KAT14: variants seen among roughly 807,000 people sequenced by gnomAD.
KAT14 encodes lysine acetyltransferase 14.
A neutral mutation model predicts 78.4 loss-of-function variants in KAT14; 66 were observed. The observed-to-expected ratio is 0.84, with a 90% CI of 0.69 to 1.03. KAT14 has a LOEUF of 1.03. Ranked by LOEUF, KAT14 falls within the 50% of genes least tolerant of loss-of-function variation. The probability of loss-of-function intolerance (pLI) is 0.00; values close to 1 mark genes in which losing one functional copy is unlikely to be tolerated. For missense variants in KAT14, 870 were observed against 972.5 expected, an observed-to-expected ratio of 0.89 and a Z score of 1.40; for synonymous variants, 344 against 359.4, an observed-to-expected ratio of 0.96 and a Z score of 0.48.
Position 18,162,427 on chromosome 20 carries a change from G to C in KAT14, c.1150G>C (p.Val384Leu), listed in dbSNP as rs766608395. 27 of 1,613,982 alleles carry C rather than the reference G, an allele frequency of 1.7e-5. No homozygotes were observed. Among genetic ancestry groups the C allele is most frequent in the Non-Finnish European group, 2.3e-5 (27 of 1,180,030 alleles). ...DGVIDPGMEYVPPPAGSVASG... is the reference protein window; with the variant it reads ...DGVIDPGMEYLPPPAGSVASG... ...AGTCATAGACCCAGGGATGGAGTACGTCCCACCCCCTGCTGGGTCAGTAGC... is the reference window on the plus strand; with the variant it reads ...AGTCATAGACCCAGGGATGGAGTACCTCCCACCCCCTGCTGGGTCAGTAGC... Residue 384 changes from valine (V) to leucine (L), a missense_variant, in exon 7 of 11, where the codon GTC (valine) becomes CTC (leucine). Transcript: ENST00000688188.
At position 18,183,241 on chromosome 20, in the gene KAT14, G is replaced by A. The variant is rs1462782190; in HGVS notation, c.1924G>A (p.Val642Met). The A allele has an allele frequency of 6.2e-7, 1 of 1,614,006 alleles. No homozygotes were observed. Among genetic ancestry groups the A allele is most frequent in the Non-Finnish European group, 8.5e-7 (1 of 1,180,024 alleles). ...EPDAPLDYCY[V>M]RPNHIPTINS... ...CGACGCACCTCTCGATTACTGTTAT[G>A]TGCGGCCAAATCACATCCCAACGAT... is the stretch of plus-strand genomic sequence containing the variant. The change falls in exon 9 of 11, where the codon GTG becomes ATG. Residue 642 changes from valine (V) to methionine (M), a missense_variant. By Grantham distance (21) the Val-to-Met change is conservative. Transcript: ENST00000688188.
Position 18,162,558 on chromosome 20 carries a change from T to C in KAT14, c.1281T>C (p.Ser427=). The C allele has an allele frequency of 6.2e-7, 1 of 1,614,058 alleles. No homozygotes were observed. The highest frequency in any genetic ancestry group is 8.5e-7 in the Non-Finnish European group (1 of 1,180,020). Reference sequence around the variant, plus strand: ...AACCCGACAGGATGGATATTGACAGTGAAGACACAGATTCAAACACATCTT... The same window carrying C: ...AACCCGACAGGATGGATATTGACAGCGAAGACACAGATTCAAACACATCTT... ...EEKPDRMDID[S]EDTDSNTSLQ... is the part of the protein sequence containing the mutation. The change falls in exon 7 of 11, where the codon AGT becomes AGC. Residue 427 remains serine (S), a synonymous_variant. Coordinates refer to ENST00000688188, the MANE Select transcript of KAT14 (RefSeq NM_001392073.1).
intron 4 of KAT14, among the ~76,000 whole-genome samples, chr20:18,152,198 C>G (rs1236922315): frequency 6.6e-6 from 1 of 152,014 alleles, no homozygotes; most frequent in Non-Finnish European, 1.5e-5. Flanking sequence ...GTCCCAGCTA[C>G]TCAGGAGACC....
At chr20:18,138,575 C>T (rs2037393678) in intron 1 of KAT14, 1 of 488,314 alleles carries the variant, frequency 2.0e-6, no homozygotes. Context: ...CCCCCTTCCC[C>T]GTACTCACTC....
intron 2 of KAT14, 73 bp downstream of exon 2, chr20:18,142,992 A>C: frequency 6.4e-7 from 1 of 1,565,450 alleles, no homozygotes; most frequent in South Asian, 1.2e-5. Context: ...TGTGAAAGAA[A>C]CGTGAATGTA....
intron 7 of KAT14, 119 bp from the exon 8 acceptor site, chr20:18,181,591 G>A (rs530121729): frequency 1.2e-5 from 17 of 1,441,678 alleles, no homozygotes; most frequent in African/African-American, 7.1e-5. Flanking sequence ...GGATGATCTC[G>A]ATCTTGTGAC....
chr20:18,147,043 C>T (rs1350360658), intron 3 of KAT14, among the ~76,000 whole-genome samples: 1 of 152,026 alleles, frequency 6.6e-6, no homozygotes, highest in Admixed American at 6.5e-5. Flanking sequence ...AAGATAATTA[C>T]CCACAGCACT....
chr20:18,163,341 GACA>G (rs1489689873), intron 7 of KAT14, among the ~76,000 whole-genome samples: 9 of 152,170 alleles, frequency 5.9e-5, no homozygotes, highest in African/African-American at 1.7e-4. Flanking sequence ...ATCTGCGAAG[GACA>G]ACATGAAGAA....
chr20:18,187,219 T>G (rs1261496274), intron 10 of KAT14, 67 bp from the exon 11 acceptor site: 5 of 1,524,492 alleles, frequency 3.3e-6, no homozygotes, highest in Non-Finnish European at 4.4e-6. Context: ...TAAAAGCGTT[T>G]CTTTACCTAC....
intron 7 of KAT14, among the ~76,000 whole-genome samples, chr20:18,168,401 G>T (rs985451584): frequency 6.6e-6 from 1 of 152,146 alleles, no homozygotes; most frequent in Non-Finnish European, 1.5e-5. Context: ...GGTGGCGCAT[G>T]CCTATAATCC....
intron 3 of KAT14, among the ~76,000 whole-genome samples, chr20:18,146,857 A>G (rs2037847679): frequency 1.3e-5 from 2 of 151,982 alleles, no homozygotes; most frequent in Non-Finnish European, 2.9e-5. Flanking sequence ...CAAAAAAAAA[A>G]AAATTATATA....
intron 7 of KAT14, among the ~76,000 whole-genome samples, chr20:18,170,156 C>T (rs1003293181): frequency 2.6e-5 from 4 of 152,204 alleles, no homozygotes; most frequent in African/African-American, 4.8e-5. Context: ...AGCAGCAACA[C>T]GTTATCTAGA....
chr20:18,184,226 T>C (rs1302811264), intron 9 of KAT14, among the ~76,000 whole-genome samples: 4 of 152,192 alleles, frequency 2.6e-5, no homozygotes, highest in African/African-American at 9.7e-5. Flanking sequence ...TACTTAACCC[T>C]GTCAGGTCTA....
At chr20:18,182,126 A>ATTT (rs369646928) in intron 8 of KAT14, among the ~76,000 whole-genome samples, 1 of 149,234 alleles carries the variant, frequency 6.7e-6, no homozygotes, top group African/African-American at 2.5e-5. Flanking sequence ...ATTTATTATT[A>ATTT]TTATTTTTTT....
intron 8 of KAT14, among the ~76,000 whole-genome samples, chr20:18,182,133 T>C (rs888765220): frequency 1.3e-5 from 2 of 152,024 alleles, no homozygotes; most frequent in African/African-American, 4.8e-5. Flanking sequence ...ATTATTATTT[T>C]TTTTTTGAGA....
At chr20:18,174,898 C>T (rs1452775383) in intron 7 of KAT14, among the ~76,000 whole-genome samples, 2 of 152,088 alleles carry the variant, frequency 1.3e-5, no homozygotes. Context: ...CTCCTGACCT[C>T]AGGTGATCCA....
intron 2 of KAT14, 56 bp downstream of exon 2, chr20:18,142,975 T>C: frequency 6.3e-7 from 1 of 1,588,284 alleles, no homozygotes. Context: ...GGTTTGTTTT[T>C]CCAACCTGTG....
At chr20:18,177,032 T>A (rs2039075651) in intron 7 of KAT14, among the ~76,000 whole-genome samples, 1 of 152,096 alleles carries the variant, frequency 6.6e-6, no homozygotes. Context: ...ATAATGAGAG[T>A]ATTCTGTGCA....
At chr20:18,137,398 C>T (rs2037338868), upstream of KAT14, among the ~76,000 whole-genome samples, 1 of 152,184 alleles carries the variant, frequency 6.6e-6, no homozygotes, top group South Asian at 2.1e-4. Flanking sequence ...GGTCCTCAGG[C>T]AAAAACTCCA....
Sources: allele counts gnomAD v4.1 joint callset (sites outside exome capture counted in the v4.1 genomes callset), GRCh38; gene constraint gnomAD v4.1.1; transcripts MANE v1.5; gene names NCBI Gene and HGNC (gene_info 2026-07-23, HGNC 2026-07-21).